Variants in SLC2A13 observed in about 807,000 individuals in gnomAD.
SLC2A13 encodes the protein solute carrier family 2 member 13.
Under a neutral mutation model 64.4 loss-of-function variants are expected in SLC2A13, and 32 were observed. That is an observed-to-expected ratio of 0.50 (90% CI 0.37 to 0.67). The LOEUF (loss-of-function observed/expected upper bound fraction) is 0.67. Ranked by LOEUF, SLC2A13 falls within the 30% of genes least tolerant of loss-of-function variation. The pLI is 0.00. For missense variants in SLC2A13, 743 were observed against 829.2 expected, an observed-to-expected ratio of 0.90 and a Z score of 1.28; for synonymous variants, 338 against 327.1, an observed-to-expected ratio of 1.03 and a Z score of -0.36.
At chr12:39,881,567 C>T (rs1944336559) in intron 4 of SLC2A13, among the ~76,000 whole-genome samples, 1 of 152,130 alleles carries the variant, frequency 6.6e-6, no homozygotes, top group African/African-American at 2.4e-5. Flanking sequence ...CCTATTTATA[C>T]CTGGCCATTT....
chr12:39,945,909 TG>T (rs1451730283), intron 4 of SLC2A13, among the ~76,000 whole-genome samples: 1 of 149,414 alleles, frequency 6.7e-6, no homozygotes, highest in East Asian at 2.0e-4. Context: ...CGTGATTTTT[TG>T]TGGGGGGGTG....
chr12:39,850,139 G>A (rs1943428830), intron 6 of SLC2A13, among the ~76,000 whole-genome samples: 1 of 151,898 alleles, frequency 6.6e-6, no homozygotes, highest in African/African-American at 2.4e-5. Context: ...CTCAGCCTTG[G>A]GAAGCCTTCC....
intron 7 of SLC2A13, among the ~76,000 whole-genome samples, chr12:39,825,508 T>C (rs1942644992): frequency 6.6e-6 from 1 of 152,142 alleles, no homozygotes; most frequent in Non-Finnish European, 1.5e-5. Context: ...CATCTGTAAG[T>C]AGGGTATAGA....
At chr12:40,093,111 G>A (rs1592078010) in intron 1 of SLC2A13, among the ~76,000 whole-genome samples, 1 of 152,248 alleles carries the variant, frequency 6.6e-6, no homozygotes, top group Non-Finnish European at 1.5e-5. Context: ...TGTTTGTTTA[G>A]GTTCCCTAGA....
chr12:39,973,577 T>G (rs1591966791), intron 3 of SLC2A13, among the ~76,000 whole-genome samples: 1 of 152,182 alleles, frequency 6.6e-6, no homozygotes, highest in Non-Finnish European at 1.5e-5. Context: ...AATATACAAC[T>G]GGTATCTCAA....
intron 3 of SLC2A13, among the ~76,000 whole-genome samples, chr12:39,953,198 C>A (rs1047568133): frequency 6.6e-6 from 1 of 152,020 alleles, no homozygotes; most frequent in Non-Finnish European, 1.5e-5. Flanking sequence ...CAAATTAGGA[C>A]CAAAGTTTGA....
chr12:39,903,328 A>C (rs1276659014), intron 4 of SLC2A13, among the ~76,000 whole-genome samples: 1 of 152,156 alleles, frequency 6.6e-6, no homozygotes, highest in Non-Finnish European at 1.5e-5. Flanking sequence ...TATTTCAGGA[A>C]GCATTTTTCC....
At chr12:39,980,516 T>C (rs199898628) in intron 3 of SLC2A13, among the ~76,000 whole-genome samples, 64,694 of 150,142 alleles carry the variant, frequency 0.43, 14,024 homozygotes, top group Non-Finnish European at 0.46. Context: ...AAGGCAGGGG[T>C]TGCAATCCTA....
intron 4 of SLC2A13, among the ~76,000 whole-genome samples, chr12:39,899,326 T>C (rs1370672795): frequency 6.6e-6 from 1 of 152,184 alleles, no homozygotes; most frequent in Non-Finnish European, 1.5e-5. Context: ...TTGGTGGTGA[T>C]ATCCCCTTTA....
chr12:40,065,489 G>C (rs1037934292), intron 1 of SLC2A13, among the ~76,000 whole-genome samples: 4 of 152,022 alleles, frequency 2.6e-5, no homozygotes, highest in African/African-American at 9.7e-5. Context: ...GGAGGCTGAG[G>C]CAAGAGGATC....
intron 2 of SLC2A13, among the ~76,000 whole-genome samples, chr12:40,033,670 A>G (rs1341999030): frequency 6.6e-6 from 1 of 152,232 alleles, no homozygotes; most frequent in East Asian, 1.9e-4. Context: ...TCTTTTGACC[A>G]CTGTGCCAAA....
At chr12:39,803,555 TACATACACAC>T (rs761664960) in intron 7 of SLC2A13, among the ~76,000 whole-genome samples, 9 of 152,202 alleles carry the variant, frequency 5.9e-5, no homozygotes, top group South Asian at 2.1e-4. Context: ...AATACATATA[TACATACACAC>T]ACATACACAC....
At chr12:39,872,089 C>A in intron 4 of SLC2A13, 128 bp from the exon 5 acceptor site, 1 of 657,838 alleles carries the variant, frequency 1.5e-6, no homozygotes, top group South Asian at 4.5e-5. Flanking sequence ...ATCAAATTAA[C>A]GTGGGAATTC....
chr12:40,013,863 T>C (rs1464430241), intron 3 of SLC2A13, among the ~76,000 whole-genome samples: 2 of 152,156 alleles, frequency 1.3e-5, no homozygotes, highest in Admixed American at 6.5e-5. Flanking sequence ...ACTAAATACT[T>C]GGGGGGAAAA....
chr12:40,049,145 T>A (rs1018171154), intron 1 of SLC2A13, among the ~76,000 whole-genome samples: 3 of 152,070 alleles, frequency 2.0e-5, no homozygotes, highest in African/African-American at 7.2e-5. Context: ...TGTTATAGTA[T>A]TCAGCCTTAC....
chr12:39,900,594 T>A (rs1945067984), intron 4 of SLC2A13, among the ~76,000 whole-genome samples: 1 of 152,044 alleles, frequency 6.6e-6, no homozygotes, highest in Non-Finnish European at 1.5e-5. Flanking sequence ...CACAATTGCT[T>A]CAAAGAGAAT....
At chr12:39,842,214 G>A (rs1943196086) in intron 6 of SLC2A13, among the ~76,000 whole-genome samples, 1 of 152,036 alleles carries the variant, frequency 6.6e-6, no homozygotes, top group African/African-American at 2.4e-5. Flanking sequence ...AAAACTAAAA[G>A]TAGAAGACCA....
At chr12:40,003,090 G>A (rs1947346755) in intron 3 of SLC2A13, among the ~76,000 whole-genome samples, 1 of 152,186 alleles carries the variant, frequency 6.6e-6, no homozygotes, top group South Asian at 2.1e-4. Flanking sequence ...ATAATGGACT[G>A]GGACAGGGAG....
chr12:39,767,456 T>C (rs1455255330), intron 7 of SLC2A13, among the ~76,000 whole-genome samples: 1 of 151,998 alleles, frequency 6.6e-6, no homozygotes, highest in Non-Finnish European at 1.5e-5. Flanking sequence ...TCTAGGATTT[T>C]TGGAGCGGCA....
Sources: gnomAD v4.1 joint callset for allele counts (sites outside exome capture counted in the v4.1 genomes callset) on GRCh38, gnomAD v4.1.1 for gene constraint, MANE v1.5 for transcripts, NCBI Gene and HGNC (gene_info 2026-07-23, HGNC 2026-07-21) for gene names.